RIPOR2: variants seen among roughly 807,000 people sequenced by gnomAD.
The protein encoded by RIPOR2 is RHO family interacting cell polarization regulator 2.
A neutral mutation model predicts 114.5 loss-of-function variants in RIPOR2; 39 were observed. That is an observed-to-expected ratio of 0.34 (90% CI 0.26 to 0.44). RIPOR2 has a LOEUF of 0.44. Ranked by LOEUF, RIPOR2 falls within the 20% of genes least tolerant of loss-of-function variation. The pLI, the probability that RIPOR2 is intolerant of heterozygous loss-of-function variation, is 1.00. For synonymous variants in RIPOR2, 445 were observed against 484.4 expected, an observed-to-expected ratio of 0.92 and a Z score of 1.07; for missense variants, 1,007 against 1,255.1, an observed-to-expected ratio of 0.80 and a Z score of 2.99.
rs372064112 is a variant in RIPOR2 at position 24,809,769 on chromosome 6, T to C, written c.2991A>G (p.Gln997=). The C allele has an allele frequency of 2.2e-4, 341 of 1,551,106 alleles. No individual in the cohort carries two copies. The highest frequency in any genetic ancestry group is 2.8e-4 in the Non-Finnish European group (323 of 1,146,436). The change falls in exon 21 of 22, where the codon CAA becomes CAG. Residue 997 remains glutamine (Q), a synonymous_variant. Transcript: ENST00000643898. ...CATTTCTGATTTCTTCAGTATCAGATTGACACAATGTCACCAGCATTTTAA... is the reference window on the plus strand; with the variant it reads ...CATTTCTGATTTCTTCAGTATCAGACTGACACAATGTCACCAGCATTTTAA... ...ESIKMLVTLC[Q]SDTEEIRNVA...
At chr6:24,928,008 C>T (rs972938528) in intron 1 of RIPOR2, among the ~76,000 whole-genome samples, 4 of 152,154 alleles carry the variant, frequency 2.6e-5, no homozygotes, top group South Asian at 2.1e-4. Flanking sequence ...CAGAGCAACA[C>T]GTGATTTTTT....
Position 25,022,531 on chromosome 6 carries a change from C to CTTTTTTTTTTTTTTT in RIPOR2, c.76+19319_76+19320insAAAAAAAAAAAAAAA, listed in dbSNP as rs1561848668. 1.4e-3 allele frequency among the ~76,000 whole-genome samples: 89 copies of CTTTTTTTTTTTTTTT among 64,470 alleles called. 6 individuals are homozygous for CTTTTTTTTTTTTTTT. Among genetic ancestry groups the CTTTTTTTTTTTTTTT allele is most frequent in the Non-Finnish European group, 2.8e-3 (80 of 28,992 alleles). The allele number at this position is 64,470 out of a possible 152,430, so 42.3% of individuals were successfully genotyped here. A position where few individuals can be genotyped will look rare whatever the true frequency, so the allele number is the denominator to read the frequency against. On this transcript the variant is annotated intron_variant, in intron 1 of 13. Transcript: ENST00000510784. ...CACATATAACTAATGTGGTACCTTC[C>CTTTTTTTTTTTTTTT]ATTTTTTTTTTTTTTTTTTTTTTTT... is the stretch of plus-strand genomic sequence containing the variant.
Position 24,948,533 on chromosome 6 carries a change from C to CT in RIPOR2, c.77-72717dup, listed in dbSNP as rs35993841. On this transcript the variant is annotated intron_variant, in intron 1 of 13. Coordinates refer to the RIPOR2 transcript ENST00000510784. Reference sequence around the variant, plus strand: ...CACTCTGCTATTTCTTTCTTTCTTTCTTTTTTTTTTTTTTTGAGATGGAGT... The same window carrying CT: ...CACTCTGCTATTTCTTTCTTTCTTTCTTTTTTTTTTTTTTTTGAGATGGAGT... 7.2e-3 allele frequency among the ~76,000 whole-genome samples: 1,048 copies of CT among 145,436 alleles called. 11 individuals carry two copies. The highest frequency in any genetic ancestry group is 0.015 in the African/African-American group (579 of 39,248).
At chr6:25,023,703 C>T in intron 1 of RIPOR2, 1 of 767,756 alleles carries the variant, frequency 1.3e-6, no homozygotes, top group Non-Finnish European at 2.4e-6. Context: ...TCAGTACAGC[C>T]CACACCGTGT....
chr6:24,979,620 A>G (rs1348284433), intron 1 of RIPOR2, among the ~76,000 whole-genome samples: 1 of 152,194 alleles, frequency 6.6e-6, no homozygotes, highest in Non-Finnish European at 1.5e-5. Flanking sequence ...CTGGGGAAGG[A>G]AAGGCCAGCT....
Position 25,024,383 on chromosome 6 carries a change from G to A in RIPOR2, c.76+17468C>T, listed in dbSNP as rs772701334. ...CCTTCTGGCCAGTGTTGGCCAGGTA[G>A]GCAATGACATCATAGCCTTGTTCCT... On this transcript the variant is annotated intron_variant, in intron 1 of 13. Transcript: ENST00000510784. 816 of 1,288,212 alleles carry A rather than the reference G, an allele frequency of 6.3e-4. 5 individuals are homozygous for A. Among genetic ancestry groups the A allele is most frequent in the Middle Eastern group, 1.1e-3 (4 of 3,778 alleles). 79.8% of individuals were successfully genotyped at this position (1,288,212 alleles called of 1,614,324 possible).
intron 1 of RIPOR2, among the ~76,000 whole-genome samples, chr6:24,917,444 T>C (rs1320955110): frequency 6.6e-6 from 1 of 152,254 alleles, no homozygotes; most frequent in Non-Finnish European, 1.5e-5. Flanking sequence ...TATAACATGA[T>C]TCAAAGCAGT....
intron 1 of RIPOR2, among the ~76,000 whole-genome samples, chr6:25,008,774 A>C (rs1476461496): frequency 6.6e-6 from 1 of 152,244 alleles, no homozygotes; most frequent in Non-Finnish European, 1.5e-5. Context: ...CAGGATGCCA[A>C]GGAAATTTGA....
intron 1 of RIPOR2, among the ~76,000 whole-genome samples, chr6:24,909,683 A>G (rs901644634): frequency 1.3e-5 from 2 of 152,184 alleles, no homozygotes; most frequent in Non-Finnish European, 2.9e-5. Context: ...ACAATCCTAG[A>G]CCTTCTACCA....
chr6:24,979,500 A>G (rs1774209937), intron 1 of RIPOR2, among the ~76,000 whole-genome samples: 1 of 152,106 alleles, frequency 6.6e-6, no homozygotes, highest in African/African-American at 2.4e-5. Context: ...TATGAATTGA[A>G]TCGCATTCTT....
At chr6:24,843,680 C>A in intron 12 of RIPOR2, 126 bp from the exon 13 acceptor site, 3 of 615,588 alleles carry the variant, frequency 4.9e-6, no homozygotes, top group Non-Finnish European at 5.4e-6. Flanking sequence ...AGAATGTTAG[C>A]ATTTTATTTG....
In RIPOR2 at chr6:24,860,978, A is replaced by G; in HGVS notation, c.710T>C (p.Met237Thr). 6.3e-7 allele frequency: 1 copy of G among 1,598,592 alleles called. No individual in the cohort carries two copies. The highest frequency in any genetic ancestry group is 1.1e-5 in the South Asian group (1 of 89,856). The change falls in exon 8 of 22, where the codon ATG becomes ACG. Residue 237 changes from methionine to threonine, a missense_variant. Physicochemically the swap from Met to Thr is moderately conservative, Grantham distance 81. Transcript: ENST00000643898. The stretch of plus-strand genomic sequence containing the variant: ...CTAAACAAGGAAAATAATACCTTTC[A>G]TCTTGATGGAGAATTCTCCCAGCAG... ...ENLLGEFSIKMKGLAGFARLC... is the reference protein window; with the variant it reads ...ENLLGEFSIKTKGLAGFARLC...
intron 1 of RIPOR2, among the ~76,000 whole-genome samples, chr6:24,903,875 C>A (rs895771938): frequency 1.3e-5 from 2 of 152,236 alleles, no homozygotes; most frequent in African/African-American, 2.4e-5. Flanking sequence ...AGAGAAGGAT[C>A]GTGCCATGCA....
chr6:24,912,465 C>A (rs1489588157), intron 1 of RIPOR2, among the ~76,000 whole-genome samples: 1 of 110,380 alleles, frequency 9.1e-6, no homozygotes, highest in South Asian at 2.8e-4. Context: ...CTTGCCCCCC[C>A]CCTTTTTTTT....
Position 25,029,937 on chromosome 6 carries a change from A to G in RIPOR2, c.76+11914T>C, listed in dbSNP as rs935572729. ...TGTTATTGTTTTAGATTGAAAACACACTTTTAACTCAAGGTAGGGAAAGAA... is the reference window on the plus strand; with the variant it reads ...TGTTATTGTTTTAGATTGAAAACACGCTTTTAACTCAAGGTAGGGAAAGAA... On this transcript the variant is annotated intron_variant, in intron 1 of 13. Coordinates refer to the RIPOR2 transcript ENST00000510784. Among the ~76,000 whole-genome samples the G allele has an allele frequency of 5.9e-5, 9 of 152,136 alleles. No homozygotes were observed. In the South Asian group the frequency reaches 6.2e-4, roughly 10 times the overall value.
chr6:24,923,507 T>C (rs933986827), intron 1 of RIPOR2, among the ~76,000 whole-genome samples: 16 of 152,176 alleles, frequency 1.1e-4, no homozygotes, highest in African/African-American at 3.9e-4. Flanking sequence ...GAGAGTTTCC[T>C]AACTCTTTTC....
upstream of RIPOR2, among the ~76,000 whole-genome samples, chr6:24,936,209 C>G (rs936515106): frequency 6.6e-6 from 1 of 152,172 alleles, no homozygotes; most frequent in African/African-American, 2.4e-5. Flanking sequence ...TTCAAAGCAA[C>G]AACTTTCATA....
intron 1 of RIPOR2, among the ~76,000 whole-genome samples, chr6:25,004,566 G>C (rs1045073418): frequency 2.0e-5 from 3 of 152,178 alleles, no homozygotes; most frequent in African/African-American, 7.2e-5. Flanking sequence ...TTTGACAGTA[G>C]CCAGCATCAG....
chr6:25,039,203 T>C (rs1427300677), intron 1 of RIPOR2, among the ~76,000 whole-genome samples: 5 of 152,154 alleles, frequency 3.3e-5, no homozygotes, highest in Non-Finnish European at 7.3e-5. Flanking sequence ...AGCTGCAAAA[T>C]ATTGTTGAGG....
Sources: gnomAD v4.1 joint callset for allele counts (sites outside exome capture counted in the v4.1 genomes callset) on GRCh38, gnomAD v4.1.1 for gene constraint, MANE v1.5 for transcripts, NCBI Gene and HGNC (gene_info 2026-07-23, HGNC 2026-07-21) for gene names.